MRPS28: variants seen among roughly 807,000 people sequenced by gnomAD.
MRPS28 encodes small ribosomal subunit protein bS1m.
Under a neutral mutation model 10.8 loss-of-function variants are expected in MRPS28, and 7 were observed. That is an observed-to-expected ratio of 0.65 (90% CI 0.37 to 1.22). The LOEUF is 1.22. MRPS28 is among the 50% of genes most tolerant of loss of function. MRPS28 has a pLI of 0.02. For synonymous variants in MRPS28, 121 were observed against 93.3 expected (o/e 1.30, Z -1.71); for missense variants, 265 against 232.9 (o/e 1.14, Z -0.90).
intron 2 of MRPS28, among the ~76,000 whole-genome samples, chr8:79,983,872 T>A (rs1274260106): frequency 1.6e-4 from 24 of 152,188 alleles, no homozygotes; most frequent in Non-Finnish European, 3.5e-4. Flanking sequence ...TCAGGAGAAC[T>A]TCCCCAATCT....
intron 2 of MRPS28, among the ~76,000 whole-genome samples, chr8:79,982,722 G>A (rs1455190510): frequency 2.0e-5 from 3 of 152,182 alleles, no homozygotes; most frequent in African/African-American, 4.8e-5. Flanking sequence ...ACGGGCACCC[G>A]CCATTGCCCA....
intron 2 of MRPS28, among the ~76,000 whole-genome samples, chr8:79,999,382 A>C (rs1808594651): frequency 6.6e-6 from 1 of 152,244 alleles, no homozygotes; most frequent in African/African-American, 2.4e-5. Context: ...CTTACCCACA[A>C]ATTTTGTTTT....
intron 2 of MRPS28, among the ~76,000 whole-genome samples, chr8:79,954,069 G>C (rs940505917): frequency 1.3e-5 from 2 of 151,862 alleles, no homozygotes; most frequent in South Asian, 4.2e-4. Context: ...TTCATTCCTG[G>C]GTAGGAATAT....
At chr8:79,974,541 A>AAAAACAAAAC (rs530383852) in intron 2 of MRPS28, among the ~76,000 whole-genome samples, 3 of 151,860 alleles carry the variant, frequency 2.0e-5, no homozygotes, top group African/African-American at 7.3e-5. Flanking sequence ...ACTCTGTCTC[A>AAAAACAAAAC]AAAACAAAAC....
intron 2 of MRPS28, among the ~76,000 whole-genome samples, chr8:79,949,823 T>C (rs1053316298): frequency 1.6e-4 from 25 of 152,186 alleles, no homozygotes; most frequent in Admixed American, 3.3e-4. Flanking sequence ...AATAAAATAT[T>C]GGATATGATT....
At chr8:80,014,886 A>G (rs1359544788) in intron 1 of MRPS28, among the ~76,000 whole-genome samples, 1 of 152,226 alleles carries the variant, frequency 6.6e-6, no homozygotes, top group Admixed American at 6.5e-5. Context: ...TGAAAAATCA[A>G]CAACTCTTCT....
intron 2 of MRPS28, among the ~76,000 whole-genome samples, chr8:79,937,640 TGAA>T (rs1384904121): frequency 6.6e-6 from 1 of 152,208 alleles, no homozygotes; most frequent in African/African-American, 2.4e-5. Flanking sequence ...CACAAAATAA[TGAA>T]GTTTTTATTT....
At chr8:79,939,408 C>T (rs1806697056) in intron 2 of MRPS28, among the ~76,000 whole-genome samples, 1 of 152,044 alleles carries the variant, frequency 6.6e-6, no homozygotes, top group Non-Finnish European at 1.5e-5. Flanking sequence ...TACATACTTC[C>T]TTGCCTTGTT....
At chr8:79,975,021 A>G (rs1807755687) in intron 2 of MRPS28, among the ~76,000 whole-genome samples, 1 of 152,190 alleles carries the variant, frequency 6.6e-6, no homozygotes, top group Admixed American at 6.5e-5. Context: ...ACAGTAGCTC[A>G]CACGTATAAT....
intron 1 of MRPS28, chr8:80,028,800 CA>C (rs759560310): frequency 5.9e-5 from 9 of 151,294 alleles, no homozygotes; most frequent in Middle Eastern, 8.2e-4. Flanking sequence ...CCCATCTCTA[CA>C]AAAAAAAACA....
intron 2 of MRPS28, among the ~76,000 whole-genome samples, chr8:79,996,079 T>C (rs1407136534): frequency 7.2e-5 from 11 of 152,172 alleles, no homozygotes; most frequent in Non-Finnish European, 1.3e-4. Context: ...AAAAAAAGGT[T>C]CAACTATTTT....
At position 80,003,093 on chromosome 8, in the gene MRPS28, T is replaced by G. The variant is rs774617633; in HGVS notation, c.301A>C (p.Ile101Leu). The G allele has an allele frequency of 6.2e-7, 1 of 1,613,822 alleles. No individual in the cohort carries two copies. Among genetic ancestry groups the G allele is most frequent in the East Asian group, 2.2e-5 (1 of 44,854 alleles). ...TCCACAATATGAAAGATCCGTCCAA[T>G]GACCAGTTTATCCTTTGCAGGTCCC... Reference protein sequence around the residue: ...QMGPAKDKLVIGRIFHIVEND... With the variant: ...QMGPAKDKLVLGRIFHIVEND... Residue 101 changes from isoleucine to leucine, a missense_variant, in exon 2 of 3, where the codon ATT becomes CTT. By Grantham distance (5) the Ile-to-Leu change is conservative. Transcript: ENST00000276585.
chr8:79,993,029 T>G (rs867398829), intron 2 of MRPS28, among the ~76,000 whole-genome samples: 1 of 152,198 alleles, frequency 6.6e-6, no homozygotes, highest in East Asian at 1.9e-4. Context: ...TATGAGTCTC[T>G]AGATGTTATC....
At chr8:79,990,838 T>G (rs1312678971) in intron 2 of MRPS28, among the ~76,000 whole-genome samples, 3 of 128,154 alleles carry the variant, frequency 2.3e-5, no homozygotes, top group Admixed American at 7.7e-5. Context: ...AAAAAAAAAA[T>G]TCAAAATTAG....
chr8:79,925,004 G>T (rs576307322), intron 2 of MRPS28, among the ~76,000 whole-genome samples: 1 of 151,892 alleles, frequency 6.6e-6, no homozygotes. Context: ...GTTCATCACT[G>T]TACTATCTGT....
At chr8:79,941,071 A>C (rs778724398) in intron 2 of MRPS28, among the ~76,000 whole-genome samples, 2 of 152,316 alleles carry the variant, frequency 1.3e-5, no homozygotes, top group Middle Eastern at 3.4e-3. Context: ...GGATCACTTG[A>C]GGCCAGGAGT....
intron 2 of MRPS28, among the ~76,000 whole-genome samples, chr8:79,959,524 T>C (rs538973424): frequency 1.3e-5 from 2 of 152,238 alleles, no homozygotes; most frequent in Admixed American, 6.5e-5. Context: ...GGTACAACTT[T>C]AAATGAAAGG....
chr8:79,937,829 G>C (rs141758852), intron 2 of MRPS28, among the ~76,000 whole-genome samples: 1 of 152,214 alleles, frequency 6.6e-6, no homozygotes, highest in African/African-American at 2.4e-5. Flanking sequence ...AAATAAATGA[G>C]AGACACAGGG....
chr8:79,993,849 T>G (rs1808426741), intron 2 of MRPS28, among the ~76,000 whole-genome samples: 1 of 152,188 alleles, frequency 6.6e-6, no homozygotes, highest in African/African-American at 2.4e-5. Context: ...CAACATACAT[T>G]CCACTCTTTA....
Sources: allele counts gnomAD v4.1 joint callset (sites outside exome capture counted in the v4.1 genomes callset), GRCh38; gene constraint gnomAD v4.1.1; transcripts MANE v1.5; gene names NCBI Gene and HGNC (gene_info 2026-07-23, HGNC 2026-07-21).